A1CF: variants seen among roughly 807,000 people sequenced by gnomAD.
A1CF encodes the protein APOBEC1 complementation factor.
Under a neutral mutation model 68.9 loss-of-function variants are expected in A1CF, and 48 were observed. That is an observed-to-expected ratio of 0.70 (90% CI 0.55 to 0.89). The LOEUF (loss-of-function observed/expected upper bound fraction) is 0.89. A1CF is among the 40% of genes least tolerant of loss of function. A1CF has a pLI of 0.00. For missense variants in A1CF, 653 were observed against 718.9 expected (o/e 0.91, Z 1.05); for synonymous variants, 272 against 260.4 (o/e 1.04, Z -0.43).
intron 3 of A1CF, among the ~76,000 whole-genome samples, chr10:50,857,590 C>T (rs1459343397): frequency 2.6e-5 from 4 of 152,110 alleles, no homozygotes. Context: ...AATTGGGAGG[C>T]GCCTGTCATT....
At position 50,828,131 on chromosome 10, in the gene A1CF, C is replaced by A. The variant is rs1839057700; in HGVS notation, c.769G>T (p.Gly257Cys). Residue 257 changes from glycine (G) to cysteine (C), a missense_variant and splice_region_variant, in exon 7 of 13, where the codon GGT becomes TGT. Gly to Cys is a radical substitution (Grantham distance 159). Transcript: ENST00000373997. ...IEKEFNNIKP[G>C]AVERVKKIRD... Reference sequence around the variant, plus strand: ...AACTAATCTTGTATATATGTCCTACCTGGTTTGATATTGTTGAATTCCTTT... The same window carrying A: ...AACTAATCTTGTATATATGTCCTACATGGTTTGATATTGTTGAATTCCTTT... 3 of 1,575,694 alleles carry A rather than the reference C, an allele frequency of 1.9e-6. No homozygotes were observed. Among genetic ancestry groups the A allele is most frequent in the African/African-American group, 1.3e-5 (1 of 74,172 alleles).
intron 1 of A1CF, among the ~76,000 whole-genome samples, chr10:50,883,271 A>T (rs1191715596): frequency 1.3e-5 from 2 of 152,144 alleles, no homozygotes; most frequent in East Asian, 1.9e-4. Flanking sequence ...CGGGGACCAC[A>T]TTTCTCTCCT....
intron 12 of A1CF, among the ~76,000 whole-genome samples, chr10:50,808,261 A>G (rs1413266435): frequency 1.3e-5 from 2 of 152,192 alleles, no homozygotes; most frequent in African/African-American, 4.8e-5. Context: ...CAGCAAAGTT[A>G]TAAGAGAGGC....
intron 5 of A1CF, 68 bp downstream of exon 5, chr10:50,841,794 A>T: frequency 6.3e-7 from 1 of 1,582,008 alleles, no homozygotes; most frequent in Non-Finnish European, 8.6e-7. Flanking sequence ...TATTAGATAA[A>T]CTTGATAGAA....
At chr10:50,846,938 A>T (rs1840027936) in intron 3 of A1CF, among the ~76,000 whole-genome samples, 1 of 152,170 alleles carries the variant, frequency 6.6e-6, no homozygotes, top group Non-Finnish European at 1.5e-5. Flanking sequence ...ATGTACCAGT[A>T]ATGGAAGTTC....
intron 10 of A1CF, 107 bp from the exon 11 acceptor site, chr10:50,811,283 A>G (rs1359458500): frequency 2.7e-6 from 3 of 1,110,586 alleles, no homozygotes; most frequent in African/African-American, 1.6e-5. Flanking sequence ...CTAGTATCTG[A>G]AGACATAAAA....
At chr10:50,812,856 T>G (rs903312224) in intron 10 of A1CF, among the ~76,000 whole-genome samples, 2 of 152,248 alleles carry the variant, frequency 1.3e-5, no homozygotes, top group Non-Finnish European at 2.9e-5. Flanking sequence ...GATTGCTGTT[T>G]AGCAGTCTGA....
intron 3 of A1CF, among the ~76,000 whole-genome samples, chr10:50,846,955 A>G (rs1840028882): frequency 6.6e-6 from 1 of 152,188 alleles, no homozygotes; most frequent in Admixed American, 6.5e-5. Flanking sequence ...GTTCAGATCA[A>G]TTTAAGACAG....
chr10:50,816,363 C>T (rs1219630201), intron 8 of A1CF, 84 bp from the exon 9 acceptor site: 2 of 1,403,782 alleles, frequency 1.4e-6, no homozygotes, highest in Non-Finnish European at 2.0e-6. Flanking sequence ...ATGACTCCTT[C>T]TAAGTGTTAG....
intron 1 of A1CF, among the ~76,000 whole-genome samples, chr10:50,878,127 G>GA (rs992256627): frequency 1.3e-5 from 2 of 150,772 alleles, no homozygotes; most frequent in African/African-American, 4.9e-5. Flanking sequence ...ATCTCAAAAA[G>GA]AAAAAAAAGA....
Position 50,810,037 on chromosome 10 carries a change from G to A in A1CF, c.1466C>T (p.Pro489Leu). 1.2e-6 allele frequency: 2 copies of A among 1,613,812 alleles called. No homozygotes were observed. The highest frequency in any genetic ancestry group is 8.5e-7 in the Non-Finnish European group (1 of 1,179,824). Residue 489 changes from proline to leucine, a missense_variant, in exon 12 of 13, where the codon CCT (proline) becomes CTT (leucine). Physicochemically the swap from Pro to Leu is moderately conservative, Grantham distance 98 (BLOSUM62 -3). Transcript: ENST00000373997. The stretch of plus-strand genomic sequence containing the variant: ...GGCACTCAGCTTTGGAGGTGTGAAA[G>A]GGTGGCTGGAAAGCAAGTCAGTCAG... ...ALASQNPAIH[P>L]FTPPKLSAFV...
rs1465013092 is a variant in A1CF at position 50,801,624 on chromosome 10, A to G, written c.*5105T>C. ...GGCCTGTGGGCAGCTTACTTTTTTA[A>G]AGATACTGTTTCTTGGTATCTCCTA... On this transcript the variant is annotated 3_prime_UTR_variant, in exon 13 of 13. Coordinates refer to ENST00000373997, the MANE Select transcript of A1CF (RefSeq NM_014576.4). 6.6e-6 allele frequency: 1 copy of G among 152,204 alleles called. No homozygotes were observed. The highest frequency in any genetic ancestry group is 2.4e-5 in the African/African-American group (1 of 41,454). 9.4% of individuals were successfully genotyped at this position (152,204 alleles called of 1,614,324 possible). A position where few individuals can be genotyped will look rare whatever the true frequency, so the allele number is the denominator to read the frequency against.
rs371111404 is a variant in A1CF, at chr10:50,850,940, T to G, written c.100-6818A>C. The G allele has an allele frequency of 7.4e-6, 7 of 942,446 alleles. No individual in the cohort carries two copies. In the South Asian group the frequency reaches 1.3e-4, roughly 17 times the overall value. The allele number at this position is 942,446 out of a possible 1,614,324, so 58.4% of individuals were successfully genotyped here. Reference sequence around the variant, plus strand: ...TTTACTTACAATTTGCCTTTTTGAATTAACTATTATTATGGCCGCTAGATC... The same window carrying G: ...TTTACTTACAATTTGCCTTTTTGAAGTAACTATTATTATGGCCGCTAGATC... On this transcript the variant is annotated intron_variant, in intron 3 of 12. Coordinates refer to ENST00000373997, the MANE Select transcript of A1CF (RefSeq NM_014576.4).
intron 1 of A1CF, among the ~76,000 whole-genome samples, chr10:50,883,794 T>C (rs1841886054): frequency 6.6e-6 from 1 of 152,222 alleles, no homozygotes; most frequent in Non-Finnish European, 1.5e-5. Flanking sequence ...GCGTATGATA[T>C]AATGGTTACG....
At chr10:50,811,245 T>G in intron 10 of A1CF, 69 bp from the exon 11 acceptor site, 1 of 1,475,446 alleles carries the variant, frequency 6.8e-7, no homozygotes, top group South Asian at 1.3e-5. Context: ...GTTTTCAGGT[T>G]TTTAAACTCT....
rs376942133 is a variant in A1CF at position 50,859,814 on chromosome 10, A to G, written c.99+28T>C. On this transcript the variant is annotated intron_variant, in intron 3 of 12. Transcript: ENST00000373997. ...CCACCACTGTGCAAATTCAGTGGTG[A>G]GTCTCAGCAGATTTCACAAGTTCCT... The G allele has an allele frequency of 1.6e-4, 262 of 1,594,714 alleles. 1 individual carries two copies. In the African/African-American group the frequency reaches 3.2e-3, roughly 20 times the overall value.
chr10:50,808,779 A>G (rs1172860492), intron 12 of A1CF, among the ~76,000 whole-genome samples: 1 of 152,130 alleles, frequency 6.6e-6, no homozygotes, highest in Non-Finnish European at 1.5e-5. Flanking sequence ...AAAACTTTTG[A>G]GAAAAAAAAC....
At chr10:50,832,573 G>A (rs1839299917) in intron 6 of A1CF, among the ~76,000 whole-genome samples, 2 of 152,180 alleles carry the variant, frequency 1.3e-5, no homozygotes, top group Non-Finnish European at 1.5e-5. Flanking sequence ...TCCTTGTGAA[G>A]GCCTCTGGTG....
chr10:50,840,525 G>A (rs1307152885), intron 5 of A1CF, among the ~76,000 whole-genome samples: 1 of 152,146 alleles, frequency 6.6e-6, no homozygotes, highest in African/African-American at 2.4e-5. Flanking sequence ...CTTTAAGAAA[G>A]AATTTATGAC....
Sources: allele counts gnomAD v4.1 joint callset (sites outside exome capture counted in the v4.1 genomes callset), GRCh38; gene constraint gnomAD v4.1.1; transcripts MANE v1.5; gene names NCBI Gene and HGNC (gene_info 2026-07-23, HGNC 2026-07-21).